CFDP1: variants seen among roughly 807,000 people sequenced by gnomAD.
The protein encoded by CFDP1 is chromatin remodeling protein CFDP1.
CFDP1 carries 31 observed loss-of-function variants against 40.1 expected under a neutral mutation model. That is an observed-to-expected ratio of 0.77 (90% CI 0.58 to 1.04). The LOEUF (loss-of-function observed/expected upper bound fraction) is 1.04, where lower values mean the gene tolerates loss of function less well. CFDP1 is among the 50% of genes least tolerant of loss of function. The pLI is 0.00. For synonymous variants in CFDP1, 167 were observed against 120.0 expected (o/e 1.39, Z -2.56); for missense variants, 423 against 343.4 (o/e 1.23, Z -1.83).
At chr16:75,298,421 T>C (rs1374099874) in intron 6 of CFDP1, among the ~76,000 whole-genome samples, 1 of 152,130 alleles carries the variant, frequency 6.6e-6, no homozygotes, top group Non-Finnish European at 1.5e-5. Context: ...GGAGAGCACA[T>C]GGAAGTGCAG....
At chr16:75,308,574 C>G (rs1489170915) in intron 5 of CFDP1, among the ~76,000 whole-genome samples, 1 of 152,200 alleles carries the variant, frequency 6.6e-6, no homozygotes, top group Non-Finnish European at 1.5e-5. Flanking sequence ...AACAACGTCA[C>G]CTGGATTACA....
At chr16:75,301,608 A>T (rs2078222773) in intron 6 of CFDP1, 1 of 128,432 alleles carries the variant, frequency 7.8e-6, no homozygotes, top group Non-Finnish European at 1.5e-5. Flanking sequence ...GCTGGAGTGC[A>T]GTGAGTAGCT....
At chr16:75,297,145 CTTGT>C (rs368696000) in intron 6 of CFDP1, among the ~76,000 whole-genome samples, 1 of 139,058 alleles carries the variant, frequency 7.2e-6, no homozygotes, top group African/African-American at 2.7e-5. Flanking sequence ...CTTCCCATTT[CTTGT>C]GTGTGTGTGT....
chr16:75,362,297 G>C (rs925726066), intron 5 of CFDP1, among the ~76,000 whole-genome samples: 1 of 152,252 alleles, frequency 6.6e-6, no homozygotes, highest in Non-Finnish European at 1.5e-5. Context: ...GTAGAAAGGC[G>C]GGGCCCAGCT....
At chr16:75,371,015 T>C (rs1056516194) in intron 5 of CFDP1, among the ~76,000 whole-genome samples, 2 of 152,256 alleles carry the variant, frequency 1.3e-5, no homozygotes, top group African/African-American at 2.4e-5. Flanking sequence ...GAGCATATAC[T>C]GTGCCAAGTG....
At chr16:75,298,292 C>A (rs967743998) in intron 6 of CFDP1, among the ~76,000 whole-genome samples, 3 of 152,184 alleles carry the variant, frequency 2.0e-5, no homozygotes, top group Admixed American at 1.3e-4. Context: ...ATCTGGGAAC[C>A]CACCCTGCAG....
At chr16:75,294,501 C>T (rs1020088076) in intron 6 of CFDP1, among the ~76,000 whole-genome samples, 2 of 152,094 alleles carry the variant, frequency 1.3e-5, no homozygotes, top group African/African-American at 4.8e-5. Flanking sequence ...TGCATACATA[C>T]ATCAAAACAT....
intron 5 of CFDP1, among the ~76,000 whole-genome samples, chr16:75,393,272 T>C (rs1287347649): frequency 6.6e-6 from 1 of 152,152 alleles, no homozygotes; most frequent in Admixed American, 6.5e-5. Flanking sequence ...TACTGGCTTC[T>C]TTCCTCTCTT....
At chr16:75,324,781 T>C (rs1329405484) in intron 5 of CFDP1, 1 of 151,558 alleles carries the variant, frequency 6.6e-6, no homozygotes, top group Non-Finnish European at 1.5e-5. Flanking sequence ...CTAGGAAAGA[T>C]TAGTGGAGCT....
At chr16:75,424,344 T>C (rs1318921013) in intron 1 of CFDP1, among the ~76,000 whole-genome samples, 1 of 152,166 alleles carries the variant, frequency 6.6e-6, no homozygotes. Flanking sequence ...TGGTAATAAG[T>C]TACTCAATGC....
In CFDP1 at chr16:75,403,112, G is replaced by A. The variant is rs192730211; in HGVS notation, c.531-7903C>T. 1.2e-3 allele frequency among the ~76,000 whole-genome samples: 180 copies of A among 152,192 alleles called. 1 individual carries two copies. Among genetic ancestry groups the A allele is most frequent in the African/African-American group, 4.0e-3 (168 of 41,536 alleles). The stretch of plus-strand genomic sequence containing the variant: ...GCAGACGCCCTGAATACCCATCAAG[G>A]ACATTTAAAATTACCATCCACTTGT... On this transcript the variant is annotated intron_variant, in intron 4 of 6. Coordinates refer to ENST00000283882, the MANE Select transcript of CFDP1 (RefSeq NM_006324.3).
chr16:75,338,626 A>G (rs1463584080), intron 5 of CFDP1, among the ~76,000 whole-genome samples: 4 of 152,030 alleles, frequency 2.6e-5, no homozygotes, highest in Non-Finnish European at 5.9e-5. Flanking sequence ...AGGGTTACTG[A>G]CCTAATGCAT....
At chr16:75,320,646 T>G (rs2078356526) in intron 5 of CFDP1, among the ~76,000 whole-genome samples, 1 of 152,010 alleles carries the variant, frequency 6.6e-6, no homozygotes, top group Non-Finnish European at 1.5e-5. Flanking sequence ...GGGGGACGAG[T>G]GGCTTTGCTA....
At chr16:75,333,935 C>G (rs967684127) in intron 5 of CFDP1, among the ~76,000 whole-genome samples, 1 of 152,168 alleles carries the variant, frequency 6.6e-6, no homozygotes, top group Non-Finnish European at 1.5e-5. Context: ...TAGAGCAAGG[C>G]GTGAAGATGC....
At position 75,360,270 on chromosome 16, in the gene CFDP1, C is replaced by CA. The variant is rs541092463; in HGVS notation, c.650+34819dup. ...TGGGAGATGACTCCATGTCTTGGGGCAAAAAAACAATAAAGACCATTCTGG... is the reference window on the plus strand; with the variant it reads ...TGGGAGATGACTCCATGTCTTGGGGCAAAAAAAACAATAAAGACCATTCTGG... On this transcript the variant is annotated intron_variant, in intron 5 of 6. Coordinates refer to ENST00000283882, the MANE Select transcript of CFDP1 (RefSeq NM_006324.3). Among the ~76,000 whole-genome samples, 17 of 107,294 alleles carry CA rather than the reference C, an allele frequency of 1.6e-4. No individual in the cohort carries two copies. In the South Asian group the frequency reaches 4.7e-3, roughly 30 times the overall value. The allele number at this position is 107,294 out of a possible 152,430, so 70.4% of individuals were successfully genotyped here.
chr16:75,376,656 T>C (rs1479724501), intron 5 of CFDP1, among the ~76,000 whole-genome samples: 1 of 152,168 alleles, frequency 6.6e-6, no homozygotes, highest in Non-Finnish European at 1.5e-5. Context: ...TACCTTATCT[T>C]GGATAGTGGC....
chr16:75,309,199 A>G (rs1004638028), intron 5 of CFDP1, among the ~76,000 whole-genome samples: 2 of 152,088 alleles, frequency 1.3e-5, no homozygotes, highest in South Asian at 4.2e-4. Flanking sequence ...TCCCACCCTG[A>G]GAGGGGTTTC....
At chr16:75,299,697 C>G (rs2078209204) in intron 6 of CFDP1, among the ~76,000 whole-genome samples, 1 of 152,168 alleles carries the variant, frequency 6.6e-6, no homozygotes, top group Non-Finnish European at 1.5e-5. Flanking sequence ...GGTGCAGCAC[C>G]TGCTCTGGGC....
At chr16:75,427,103 T>C (rs1034893663) in intron 1 of CFDP1, among the ~76,000 whole-genome samples, 1 of 149,740 alleles carries the variant, frequency 6.7e-6, no homozygotes, top group South Asian at 2.1e-4. Flanking sequence ...CCAGAATATA[T>C]AATTCCAAAA....
Sources: allele counts gnomAD v4.1 joint callset (sites outside exome capture counted in the v4.1 genomes callset), GRCh38; gene constraint gnomAD v4.1.1; transcripts MANE v1.5; gene names NCBI Gene and HGNC (gene_info 2026-07-23, HGNC 2026-07-21).